The following MACROD2 variants were observed in gnomAD, a reference collection of about 807,000 sequenced individuals.
MACROD2 encodes mono-ADP ribosylhydrolase 2.
Under a neutral mutation model 70.4 loss-of-function variants are expected in MACROD2, and 36 were observed. The observed-to-expected ratio is 0.51, with a 90% CI of 0.39 to 0.68. MACROD2 has a LOEUF of 0.68. MACROD2 is among the 30% of genes least tolerant of loss of function. The probability of loss-of-function intolerance (pLI) is 0.00; values close to 1 mark genes in which losing one functional copy is unlikely to be tolerated. For missense variants in MACROD2, 496 were observed against 538.4 expected (o/e 0.92, Z 0.78); for synonymous variants, 172 against 178.8 (o/e 0.96, Z 0.30).
In MACROD2 at chr20:14,106,662, G is replaced by T. The variant is rs185493419; in HGVS notation, c.271+20934G>T. 2.0e-4 allele frequency among the ~76,000 whole-genome samples: 31 copies of T among 152,286 alleles called. No homozygotes were observed. The East Asian group carries it at 5.0e-3, about 25-fold the overall frequency. ...CTGGCTTCAGGTCTGAACCAGCATT[G>T]TCCCAGTGGTGGTGGTCACAAGGAT... On this transcript the variant is annotated intron_variant, in intron 3 of 17. Transcript: ENST00000684519.
At chr20:15,404,819 G>A (rs1023102309) in intron 6 of MACROD2, among the ~76,000 whole-genome samples, 4 of 152,066 alleles carry the variant, frequency 2.6e-5, no homozygotes, top group South Asian at 2.1e-4. Flanking sequence ...ATATCATATC[G>A]TTCCATCCAT....
chr20:14,949,794 T>A (rs759259204), intron 5 of MACROD2, among the ~76,000 whole-genome samples: 2 of 152,174 alleles, frequency 1.3e-5, no homozygotes, highest in Non-Finnish European at 2.9e-5. Context: ...GGCATCATTG[T>A]TGAGAGTGTC....
At chr20:15,833,886 C>A (rs979825342) in intron 8 of MACROD2, among the ~76,000 whole-genome samples, 1 of 152,148 alleles carries the variant, frequency 6.6e-6, no homozygotes, top group Non-Finnish European at 1.5e-5. Context: ...TCACTCTTAT[C>A]GTCACTGGTT....
At chr20:15,787,663 A>G (rs1367955007) in intron 8 of MACROD2, among the ~76,000 whole-genome samples, 1 of 152,236 alleles carries the variant, frequency 6.6e-6, no homozygotes, top group Non-Finnish European at 1.5e-5. Flanking sequence ...TTGGGCAGTG[A>G]AATACATAGT....
chr20:14,137,894 TA>T (rs1319288343), intron 3 of MACROD2, among the ~76,000 whole-genome samples: 5 of 151,950 alleles, frequency 3.3e-5, no homozygotes, highest in Non-Finnish European at 5.9e-5. Flanking sequence ...GGAATTAATA[TA>T]AAAAATAAGA....
chr20:14,216,976 T>G (rs1482477686), intron 3 of MACROD2, among the ~76,000 whole-genome samples: 1 of 152,218 alleles, frequency 6.6e-6, no homozygotes, highest in East Asian at 1.9e-4. Context: ...TATTTCCTAT[T>G]TACCAATTTG....
intron 6 of MACROD2, among the ~76,000 whole-genome samples, chr20:15,298,266 G>A (rs540686510): frequency 1.8e-4 from 27 of 152,360 alleles, no homozygotes; most frequent in East Asian, 1.7e-3. Context: ...GATAATGCAT[G>A]TAAAGTGTAT....
chr20:15,124,813 C>T (rs1271651867), intron 5 of MACROD2, among the ~76,000 whole-genome samples: 2 of 151,840 alleles, frequency 1.3e-5, no homozygotes, highest in Admixed American at 1.3e-4. Context: ...AAGCTAGGTT[C>T]CTTCTAGGAG....
intron 3 of MACROD2, among the ~76,000 whole-genome samples, chr20:14,412,274 G>A (rs2083758388): frequency 6.6e-6 from 1 of 152,110 alleles, no homozygotes; most frequent in African/African-American, 2.4e-5. Context: ...GGCCCTTCTG[G>A]AGCCAGCTTT....
chr20:14,245,855 A>C (rs912574543), intron 3 of MACROD2, among the ~76,000 whole-genome samples: 2 of 152,128 alleles, frequency 1.3e-5, no homozygotes, highest in African/African-American at 4.8e-5. Context: ...ATTCCTTCCA[A>C]GCTGCTGTGG....
chr20:15,305,167 G>A lies in MACROD2; in HGVS notation c.540+75106G>A, dbSNP rs147236424. On this transcript the variant is annotated intron_variant, in intron 6 of 17. Transcript: ENST00000684519. ...GCTGGCCAATGGATCCTTGGGCCTC[G>A]TGTTCTCATCTGTTCATACTTTATA... Among the ~76,000 whole-genome samples, 784 of 152,154 alleles carry A rather than the reference G, an allele frequency of 5.2e-3. 2 individuals are homozygous for A. The highest frequency in any genetic ancestry group is 0.02 in the Middle Eastern group (6 of 294).
At chr20:15,254,823 A>C (rs2146033489) in intron 6 of MACROD2, among the ~76,000 whole-genome samples, 1 of 152,020 alleles carries the variant, frequency 6.6e-6, no homozygotes, top group South Asian at 2.1e-4. Context: ...AGAGCTAGAG[A>C]TAGAATTCAG....
chr20:15,507,361 TTTTC>T (rs1386542010), intron 8 of MACROD2, among the ~76,000 whole-genome samples: 3 of 143,848 alleles, frequency 2.1e-5, no homozygotes, highest in South Asian at 2.5e-4. Context: ...TTTCCTTCCT[TTTTC>T]TTTCTTTCTC....
intron 6 of MACROD2, among the ~76,000 whole-genome samples, chr20:15,410,452 T>A (rs2046061694): frequency 6.6e-6 from 1 of 152,250 alleles, no homozygotes; most frequent in Non-Finnish European, 1.5e-5. Flanking sequence ...TGAGTCAGTC[T>A]CTTCAGCAAC....
rs548010997 is a variant in MACROD2, at chr20:14,497,089, T to C, written c.301+3581T>C. Among the ~76,000 whole-genome samples, 97 of 151,802 alleles carry C rather than the reference T, an allele frequency of 6.4e-4. 1 individual carries two copies. In the South Asian group the frequency reaches 0.017, roughly 26 times the overall value. On this transcript the variant is annotated intron_variant, in intron 4 of 17. Coordinates refer to ENST00000684519, the MANE Select transcript of MACROD2 (RefSeq NM_001351661.2). ...CCAGGTTTGCTTTTCTATGCAGAGA[T>C]GGGTAATTCTGTTTACACCAGGAAA...
At chr20:15,638,942 T>G (rs2049411970) in intron 8 of MACROD2, among the ~76,000 whole-genome samples, 1 of 152,212 alleles carries the variant, frequency 6.6e-6, no homozygotes, top group Non-Finnish European at 1.5e-5. Flanking sequence ...AGTTGGCTTA[T>G]GATCTCAGCA....
At chr20:14,953,189 G>T (rs534070458) in intron 5 of MACROD2, among the ~76,000 whole-genome samples, 3 of 152,184 alleles carry the variant, frequency 2.0e-5, no homozygotes, top group Non-Finnish European at 2.9e-5. Context: ...AATGTATTGG[G>T]TTCAAAGGCC....
chr20:15,631,875 C>T (rs1041105422), intron 8 of MACROD2, among the ~76,000 whole-genome samples: 17 of 152,122 alleles, frequency 1.1e-4, no homozygotes, highest in African/African-American at 1.7e-4. Flanking sequence ...TGGTGGCTCA[C>T]GCCTGTAATC....
chr20:14,564,577 A>G (rs1338513505), intron 4 of MACROD2, among the ~76,000 whole-genome samples: 1 of 151,966 alleles, frequency 6.6e-6, no homozygotes, highest in East Asian at 1.9e-4. Flanking sequence ...ACATACAAGC[A>G]CCCAACAAAC....
Sources: allele counts gnomAD v4.1 joint callset (sites outside exome capture counted in the v4.1 genomes callset), GRCh38; gene constraint gnomAD v4.1.1; transcripts MANE v1.5; gene names NCBI Gene and HGNC (gene_info 2026-07-23, HGNC 2026-07-21).